The following PAX3 variants were observed in gnomAD, a reference collection of about 807,000 sequenced individuals.
The protein encoded by PAX3 is paired box protein Pax-3.
Under a neutral mutation model 51.6 loss-of-function variants are expected in PAX3, and 14 were observed. The observed-to-expected ratio is 0.27, with a 90% confidence interval of 0.18 to 0.42. The LOEUF is 0.42. PAX3 is among the 10% of genes least tolerant of loss of function. The pLI, the probability that PAX3 is intolerant of heterozygous loss-of-function variation, is 1.00. For missense variants in PAX3, 540 were observed against 642.8 expected, an observed-to-expected ratio of 0.84 and a Z score of 1.73; for synonymous variants, 280 against 253.4, an observed-to-expected ratio of 1.11 and a Z score of -1.00.
chr2:222,246,935 A>G (rs1693249579), intron 4 of PAX3, among the ~76,000 whole-genome samples: 1 of 152,238 alleles, frequency 6.6e-6, no homozygotes, highest in Non-Finnish European at 1.5e-5. Context: ...ATGGCCAGAT[A>G]TGAAAATTTG....
At chr2:222,231,594 G>T (rs149363037) in intron 5 of PAX3, among the ~76,000 whole-genome samples, 56 of 152,320 alleles carry the variant, frequency 3.7e-4, no homozygotes, top group African/African-American at 1.2e-3. Flanking sequence ...AAGCGTATGG[G>T]ATCCAATTAT....
chr2:222,298,683 G>T lies in PAX3; in HGVS notation c.-68C>A. 6.9e-7 allele frequency: 1 copy of T among 1,438,976 alleles called. No individual in the cohort carries two copies. The highest frequency in any genetic ancestry group is 2.5e-5 in the East Asian group (1 of 40,616). The allele number at this position is 1,438,976 out of a possible 1,614,324, so 89.1% of individuals were successfully genotyped here. A position where few individuals can be genotyped will look rare whatever the true frequency, so the allele number is the denominator to read the frequency against. On this transcript the variant is annotated 5_prime_UTR_variant, in exon 1 of 9. Transcript: ENST00000392070. ...GAAACGGAAAGGCGAGTGCGGCGCG[G>T]ATGACCCTCGGGAACTATCCGGAGC... is the stretch of plus-strand genomic sequence containing the variant.
At chr2:222,233,237 A>T (rs531663608) in intron 4 of PAX3, among the ~76,000 whole-genome samples, 59 of 152,300 alleles carry the variant, frequency 3.9e-4, no homozygotes, top group African/African-American at 1.3e-3. Context: ...CCCTGAAGCC[A>T]CTGTGTGGTG....
chr2:222,290,061 T>G (rs1319675805), intron 4 of PAX3, among the ~76,000 whole-genome samples: 1 of 152,076 alleles, frequency 6.6e-6, no homozygotes, highest in African/African-American at 2.4e-5. Context: ...CTTCCCCTCC[T>G]CCCAACCTTG....
intron 7 of PAX3, among the ~76,000 whole-genome samples, chr2:222,204,664 T>C (rs971715641): frequency 2.0e-5 from 3 of 152,266 alleles, no homozygotes; most frequent in South Asian, 2.1e-4. Context: ...AGGGCAAATA[T>C]TTTACCATGA....
At chr2:222,275,464 A>G (rs151022937) in intron 4 of PAX3, among the ~76,000 whole-genome samples, 1 of 152,088 alleles carries the variant, frequency 6.6e-6, no homozygotes. Context: ...CCACATTTTC[A>G]AAGTGCATTT....
chr2:222,298,422 G>A, intron 1 of PAX3, 109 bp downstream of exon 1: 1 of 878,594 alleles, frequency 1.1e-6, no homozygotes, highest in Admixed American at 2.0e-5. Context: ...GGGTGCCCAG[G>A]GAATGGGCTT....
intron 4 of PAX3, among the ~76,000 whole-genome samples, chr2:222,285,011 T>G (rs1694784128): frequency 6.6e-6 from 1 of 152,234 alleles, no homozygotes; most frequent in Non-Finnish European, 1.5e-5. Flanking sequence ...GAAAAGGTAC[T>G]TTGGAGTGTG....
Position 222,201,444 on chromosome 2 carries a change from T to A in PAX3, c.1421-2A>T, listed in dbSNP as rs900600779. The A allele has an allele frequency of 6.2e-7, 1 of 1,614,076 alleles. No individual in the cohort carries two copies. Among genetic ancestry groups the A allele is most frequent in the Non-Finnish European group, 8.5e-7 (1 of 1,180,008 alleles). On this transcript the variant is annotated splice_acceptor_variant, in intron 8 of 8. Transcript: ENST00000392070. LOFTEE classifies it high-confidence loss of function. ...CTGGCTTGAGATAATGAAAGGCACC[T>A]GTAAGGAAACACACGCAGCTTTTTA...
chr2:222,290,355 T>G (rs1694984356), intron 4 of PAX3, among the ~76,000 whole-genome samples: 2 of 152,228 alleles, frequency 1.3e-5, no homozygotes, highest in Non-Finnish European at 2.9e-5. Context: ...TTCTCCAATT[T>G]TTTAAGAAAG....
At chr2:222,214,032 A>G (rs1691855134) in intron 7 of PAX3, among the ~76,000 whole-genome samples, 1 of 152,170 alleles carries the variant, frequency 6.6e-6, no homozygotes, top group Non-Finnish European at 1.5e-5. Flanking sequence ...GAAGTACCCA[A>G]TGCAACAATT....
At chr2:222,238,187 G>A (rs1692871321) in intron 4 of PAX3, among the ~76,000 whole-genome samples, 1 of 152,160 alleles carries the variant, frequency 6.6e-6, no homozygotes, top group African/African-American at 2.4e-5. Context: ...AAATCAAACT[G>A]GGAGGAGAAG....
At position 222,282,405 on chromosome 2, in the gene PAX3, C is replaced by A. The variant is rs558523031; in HGVS notation, c.586+11762G>T. ...GGTTTTTGAAAAAAACATAAAAAGT[C>A]TTTTGTGCAGAGATGGGCATGGATA... On this transcript the variant is annotated intron_variant, in intron 4 of 8. Transcript: ENST00000392070. Among the ~76,000 whole-genome samples the A allele has an allele frequency of 2.5e-4, 38 of 152,228 alleles. 1 individual carries two copies. The highest frequency in any genetic ancestry group is 8.2e-4 in the African/African-American group (34 of 41,526).
At chr2:222,276,613 C>T (rs1694430848) in intron 4 of PAX3, among the ~76,000 whole-genome samples, 1 of 152,202 alleles carries the variant, frequency 6.6e-6, no homozygotes, top group Non-Finnish European at 1.5e-5. Flanking sequence ...CCAGAGCTTC[C>T]ATTTGTCAGA....
intron 4 of PAX3, chr2:222,264,488 G>A (rs1363890414): frequency 6.6e-6 from 1 of 152,178 alleles, no homozygotes; most frequent in Non-Finnish European, 1.5e-5. Flanking sequence ...GCAATATGTT[G>A]TGAAAATACC....
At chr2:222,252,950 T>C (rs769515187) in intron 4 of PAX3, among the ~76,000 whole-genome samples, 2 of 152,146 alleles carry the variant, frequency 1.3e-5, no homozygotes, top group Non-Finnish European at 2.9e-5. Flanking sequence ...CTCAGTGACC[T>C]CTGACATGAA....
At chr2:222,286,230 G>A (rs918345522) in intron 4 of PAX3, among the ~76,000 whole-genome samples, 3 of 152,226 alleles carry the variant, frequency 2.0e-5, no homozygotes, top group East Asian at 1.9e-4. Flanking sequence ...GAGCCACCGC[G>A]CCAGGCGGCT....
At chr2:222,208,574 C>A (rs1691601522) in intron 7 of PAX3, among the ~76,000 whole-genome samples, 1 of 152,134 alleles carries the variant, frequency 6.6e-6, no homozygotes, top group East Asian at 1.9e-4. Flanking sequence ...ACACACAGAG[C>A]CTCAAACTCT....
At chr2:222,276,980 A>G (rs1440755137) in intron 4 of PAX3, among the ~76,000 whole-genome samples, 1 of 152,216 alleles carries the variant, frequency 6.6e-6, no homozygotes, top group Non-Finnish European at 1.5e-5. Flanking sequence ...CGTATTCTAA[A>G]GTGCAAGACA....
Sources: gnomAD v4.1 joint callset for allele counts (sites outside exome capture counted in the v4.1 genomes callset) on GRCh38, gnomAD v4.1.1 for gene constraint, MANE v1.5 for transcripts, NCBI Gene and HGNC (gene_info 2026-07-23, HGNC 2026-07-21) for gene names.